Variants in BCAR3 observed in about 807,000 individuals in gnomAD.
BCAR3 encodes the protein BCAR3 adaptor protein, NSP family member.
Under a neutral mutation model 80.1 loss-of-function variants are expected in BCAR3, and 37 were observed. The ratio of observed to expected loss-of-function variants is 0.46; its 90% confidence interval spans 0.36 to 0.61. The LOEUF is 0.61. Ranked by LOEUF, BCAR3 falls within the 20% of genes least tolerant of loss-of-function variation. BCAR3 has a pLI of 0.00. For missense variants in BCAR3, 978 were observed against 1,068.2 expected (o/e 0.92, Z 1.18); for synonymous variants, 389 against 418.9 (o/e 0.93, Z 0.87).
At chr1:93,680,883 G>C (rs532482274) in intron 1 of BCAR3, among the ~76,000 whole-genome samples, 2 of 152,186 alleles carry the variant, frequency 1.3e-5, no homozygotes, top group East Asian at 3.9e-4. Flanking sequence ...CGCCCTCAGC[G>C]GCCTAAGTGG....
intron 3 of BCAR3, among the ~76,000 whole-genome samples, chr1:93,617,297 G>C (rs1675156817): frequency 6.6e-6 from 1 of 152,210 alleles, no homozygotes; most frequent in Admixed American, 6.5e-5. Flanking sequence ...CATGGAGGGA[G>C]ATGGCAGGAG....
chr1:93,838,206 G>A (rs578078478), intron 2 of BCAR3, among the ~76,000 whole-genome samples: 24 of 152,330 alleles, frequency 1.6e-4, no homozygotes, highest in African/African-American at 5.5e-4. Flanking sequence ...AGTTCTGCAG[G>A]CTGAGAAGTT....
upstream of BCAR3, among the ~76,000 whole-genome samples, chr1:93,685,941 G>C (rs998779342): frequency 9.2e-5 from 14 of 151,790 alleles, no homozygotes; most frequent in Non-Finnish European, 1.6e-4. Context: ...TTGTATTCCT[G>C]TTTTTCTACC....
intron 3 of BCAR3, among the ~76,000 whole-genome samples, chr1:93,612,403 TATA>T (rs897259431): frequency 1.3e-5 from 2 of 152,072 alleles, no homozygotes; most frequent in African/African-American, 4.8e-5. Context: ...GACTACCCCA[TATA>T]TTAAGTGGCC....
chr1:93,773,706 C>G (rs1290499413), intron 2 of BCAR3, among the ~76,000 whole-genome samples: 1 of 152,186 alleles, frequency 6.6e-6, no homozygotes, highest in Non-Finnish European at 1.5e-5. Context: ...AAAGCTCTGT[C>G]CCAGCCTGAC....
chr1:93,714,863 T>G (rs921462924), intron 2 of BCAR3, among the ~76,000 whole-genome samples: 4 of 152,224 alleles, frequency 2.6e-5, no homozygotes, highest in African/African-American at 7.2e-5. Context: ...TTTGTAAGCT[T>G]CTGTCATATC....
intron 1 of BCAR3, among the ~76,000 whole-genome samples, chr1:93,678,095 C>T (rs1040219676): frequency 1.3e-5 from 2 of 152,150 alleles, no homozygotes; most frequent in African/African-American, 2.4e-5. Flanking sequence ...TAAGAATCCT[C>T]TGGGAAGCTT....
At chr1:93,578,678 C>T (rs964794668) in intron 7 of BCAR3, among the ~76,000 whole-genome samples, 12 of 152,148 alleles carry the variant, frequency 7.9e-5, no homozygotes, top group African/African-American at 1.7e-4. Context: ...CCCTGCAGGG[C>T]GTTTCCCACC....
rs1312339987 is a variant in BCAR3 at position 93,589,424 on chromosome 1, G to A, written c.487-5C>T. On this transcript the variant is annotated splice_polypyrimidine_tract_variant and splice_region_variant and intron_variant, in intron 4 of 11. Transcript: ENST00000260502. ...CTGCACAAGGTTTTCAGACACCTTT[G>A]GGACAAAAAGGTGAGTGAGGAGTAG... 6.9e-6 allele frequency: 11 copies of A among 1,604,062 alleles called. No individual in the cohort carries two copies. Among genetic ancestry groups the A allele is most frequent in the Non-Finnish European group, 9.3e-6 (11 of 1,177,212 alleles).
chr1:93,784,385 T>C (rs1652871515), intron 2 of BCAR3, among the ~76,000 whole-genome samples: 1 of 152,156 alleles, frequency 6.6e-6, no homozygotes, highest in Non-Finnish European at 1.5e-5. Flanking sequence ...GGGAACTGCC[T>C]GCCCCAGAAT....
At chr1:93,567,222 C>A in intron 11 of BCAR3, 57 bp downstream of exon 11, 5 of 1,578,468 alleles carry the variant, frequency 3.2e-6, no homozygotes, top group African/African-American at 1.3e-5. Context: ...CTCTTCCATT[C>A]CTTCATTTCA....
At chr1:93,643,750 T>C (rs191299387) in intron 2 of BCAR3, among the ~76,000 whole-genome samples, 2 of 152,152 alleles carry the variant, frequency 1.3e-5, no homozygotes, top group African/African-American at 4.8e-5. Flanking sequence ...AATTGTACTG[T>C]ATATGGGATT....
chr1:93,643,407 G>A (rs927766113), intron 2 of BCAR3, among the ~76,000 whole-genome samples: 54 of 150,774 alleles, frequency 3.6e-4, no homozygotes, highest in African/African-American at 1.3e-3. Context: ...ATAGCTGGGC[G>A]TAGTGGTGAG....
intron 2 of BCAR3, among the ~76,000 whole-genome samples, chr1:93,668,110 A>G (rs1280050499): frequency 6.6e-6 from 1 of 152,146 alleles, no homozygotes; most frequent in Non-Finnish European, 1.5e-5. Flanking sequence ...AAAAAACATG[A>G]TTTAAAACAG....
intron 2 of BCAR3, among the ~76,000 whole-genome samples, chr1:93,769,230 T>C (rs1302740793): frequency 2.0e-5 from 3 of 152,232 alleles, no homozygotes; most frequent in African/African-American, 4.8e-5. Flanking sequence ...ATTTCTGGAT[T>C]GCTGCATAAG....
chr1:93,604,858 C>T (rs1055157765), intron 3 of BCAR3, among the ~76,000 whole-genome samples: 9 of 152,206 alleles, frequency 5.9e-5, no homozygotes, highest in African/African-American at 1.7e-4. Flanking sequence ...ATCACCCACT[C>T]ACTGGTGAAA....
chr1:93,680,484 C>G (rs1205884414), intron 1 of BCAR3, among the ~76,000 whole-genome samples: 1 of 152,174 alleles, frequency 6.6e-6, no homozygotes, highest in Admixed American at 6.5e-5. Context: ...CTGGGCCCCA[C>G]CCCCAGCACT....
chr1:93,776,533 GTA>G lies in BCAR3; in HGVS notation c.-63+69032_-63+69033del, dbSNP rs1301637991. ...AATTTTCAAACAAAATCTATATATT[GTA>G]TTTGGTTGTTACGTCTATTATGTCC... On this transcript the variant is annotated intron_variant, in intron 2 of 13. Coordinates refer to the BCAR3 transcript ENST00000370244. Among the ~76,000 whole-genome samples, 29 of 152,212 alleles carry G rather than the reference GTA, an allele frequency of 1.9e-4. 1 individual carries two copies. The highest frequency in any genetic ancestry group is 1.4e-3 in the Admixed American group (21 of 15,290).
chr1:93,621,724 T>C (rs542195960), intron 3 of BCAR3, among the ~76,000 whole-genome samples: 2 of 152,200 alleles, frequency 1.3e-5, no homozygotes, highest in East Asian at 1.9e-4. Context: ...GGACAGAAAA[T>C]TGGAAGAGCT....
Sources: gnomAD v4.1 joint callset for allele counts (sites outside exome capture counted in the v4.1 genomes callset) on GRCh38, gnomAD v4.1.1 for gene constraint, MANE v1.5 for transcripts, NCBI Gene and HGNC (gene_info 2026-07-23, HGNC 2026-07-21) for gene names.